The following ACTR3C variants were observed in gnomAD, a reference collection of about 807,000 sequenced individuals.
ACTR3C encodes the protein actin-related protein 3C.
ACTR3C carries 18 observed loss-of-function variants against 26.3 expected under a neutral mutation model. The ratio of observed to expected loss-of-function variants is 0.68; its 90% CI spans 0.47 to 1.01. The LOEUF is 1.01. Ranked by LOEUF, ACTR3C falls within the 50% of genes least tolerant of loss-of-function variation. ACTR3C has a pLI of 0.00. For synonymous variants in ACTR3C, 55 were observed against 94.5 expected, an observed-to-expected ratio of 0.58 and a Z score of 2.42; for missense variants, 184 against 250.7, an observed-to-expected ratio of 0.73 and a Z score of 1.80.
the ACTR3C span, among the ~76,000 whole-genome samples, chr7:149,936,866 G>T: frequency 6.6e-6 from 1 of 151,610 alleles, no homozygotes. Flanking sequence ...AGGGCTCACT[G>T]CCGCCTTGAC....
the ACTR3C span, among the ~76,000 whole-genome samples, chr7:150,090,391 T>C: frequency 2.0e-5 from 3 of 152,252 alleles, no homozygotes; most frequent in African/African-American, 7.2e-5. Context: ...CGTATGCACA[T>C]GTTTGCTGAG....
chr7:149,913,878 A>T, the ACTR3C span, among the ~76,000 whole-genome samples: 1 of 132,098 alleles, frequency 7.6e-6, no homozygotes, highest in South Asian at 2.7e-4. Context: ...GAAATAACTC[A>T]TATGTCCCTT....
the ACTR3C span, among the ~76,000 whole-genome samples, chr7:150,182,729 A>C: frequency 2.2e-3 from 334 of 151,150 alleles, 23 homozygotes; most frequent in African/African-American, 7.6e-3. Flanking sequence ...TTTGATCACA[A>C]TATGTCATCC....
At chr7:150,141,397 G>A in the ACTR3C span, among the ~76,000 whole-genome samples, 2 of 152,190 alleles carry the variant, frequency 1.3e-5, no homozygotes, top group African/African-American at 2.4e-5. Flanking sequence ...ACAGGTGAGC[G>A]CCAGGACACC....
the ACTR3C span, among the ~76,000 whole-genome samples, chr7:150,011,833 G>T: frequency 6.6e-6 from 1 of 152,102 alleles, no homozygotes; most frequent in Non-Finnish European, 1.5e-5. Context: ...TTACTTATTA[G>T]GTATCACATA....
chr7:149,969,269 C>G, the ACTR3C span, among the ~76,000 whole-genome samples: 5 of 141,460 alleles, frequency 3.5e-5, no homozygotes, highest in African/African-American at 1.4e-4. Context: ...TCAGAAAGAG[C>G]TGTGTGTGTG....
chr7:150,057,359 C>A, the ACTR3C span, among the ~76,000 whole-genome samples: 10,594 of 147,542 alleles, frequency 0.072, 322 homozygotes, highest in South Asian at 0.18. Flanking sequence ...CAGCTCACTG[C>A]AAACTCCACC....
the ACTR3C span, among the ~76,000 whole-genome samples, chr7:150,028,644 A>G: frequency 6.6e-6 from 1 of 152,262 alleles, no homozygotes; most frequent in Non-Finnish European, 1.5e-5. Context: ...GACACTCAGC[A>G]GCTGCTGTCT....
the ACTR3C span, among the ~76,000 whole-genome samples, chr7:150,148,347 T>C: frequency 9.9e-5 from 15 of 152,060 alleles, no homozygotes; most frequent in African/African-American, 3.4e-4. Flanking sequence ...CGTGGTGGCA[T>C]GCACCTGTAA....
the ACTR3C span, among the ~76,000 whole-genome samples, chr7:150,034,810 T>C: frequency 1.4e-5 from 2 of 144,688 alleles, no homozygotes; most frequent in Non-Finnish European, 3.0e-5. Flanking sequence ...AGTCCCCGCC[T>C]CGTGGGGGGT....
chr7:149,947,233 C>T, the ACTR3C span, among the ~76,000 whole-genome samples: 1 of 147,318 alleles, frequency 6.8e-6, no homozygotes, highest in Non-Finnish European at 1.5e-5. Context: ...TCTGTTTCTT[C>T]TTCATCCATC....
At chr7:150,141,877 G>T in the ACTR3C span, among the ~76,000 whole-genome samples, 2 of 151,910 alleles carry the variant, frequency 1.3e-5, no homozygotes, top group African/African-American at 4.8e-5. Flanking sequence ...CTGAGGCCCT[G>T]AAGGAACAGA....
chr7:150,035,287 A>G, the ACTR3C span, among the ~76,000 whole-genome samples: 2,046 of 26,184 alleles, frequency 0.078, 413 homozygotes, highest in Non-Finnish European at 0.1. Context: ...CCTCGTGGAG[A>G]GTGCCTCCCC....
At chr7:149,964,331 A>C in the ACTR3C span, among the ~76,000 whole-genome samples, 44 of 152,364 alleles carry the variant, frequency 2.9e-4, no homozygotes, top group South Asian at 8.5e-3. Flanking sequence ...GAGGAGGACA[A>C]GATGCATTTG....
At chr7:150,284,171 C>A (rs769807469) in intron 6 of ACTR3C, among the ~76,000 whole-genome samples, 1 of 152,098 alleles carries the variant, frequency 6.6e-6, no homozygotes, top group African/African-American at 2.4e-5. Flanking sequence ...TACTTTCCAT[C>A]GATATTTGTG....
At chr7:149,974,577 A>G in the ACTR3C span, among the ~76,000 whole-genome samples, 1 of 152,104 alleles carries the variant, frequency 6.6e-6, no homozygotes, top group Non-Finnish European at 1.5e-5. Context: ...TCTGATCAGT[A>G]CACAACATGC....
the ACTR3C span, among the ~76,000 whole-genome samples, chr7:150,233,151 T>C: frequency 1.3e-5 from 2 of 152,002 alleles, no homozygotes; most frequent in Admixed American, 6.5e-5. Flanking sequence ...AGGGAAGGTC[T>C]GATGGTGATT....
chr7:150,211,587 T>C, the ACTR3C span, among the ~76,000 whole-genome samples: 1 of 149,526 alleles, frequency 6.7e-6, no homozygotes, highest in African/African-American at 2.6e-5. Flanking sequence ...GGCCCATGGT[T>C]CTTTCTAGGC....
At chr7:150,047,913 G>A in the ACTR3C span, 89 of 1,339,956 alleles carry the variant, frequency 6.6e-5, 1 homozygote, top group South Asian at 1.1e-3. Flanking sequence ...CTTTCTCTCC[G>A]GTTCCCACTC....
Sources: gnomAD v4.1 joint callset for allele counts (sites outside exome capture counted in the v4.1 genomes callset) on GRCh38, gnomAD v4.1.1 for gene constraint, MANE v1.5 for transcripts, NCBI Gene and HGNC (gene_info 2026-07-23, HGNC 2026-07-21) for gene names.